The following AUTS2 variants were observed in gnomAD, a reference collection of about 807,000 sequenced individuals.
The protein encoded by AUTS2 is activator of transcription and developmental regulator AUTS2.
A neutral mutation model predicts 112.4 loss-of-function variants in AUTS2; 17 were observed. That is an observed-to-expected ratio of 0.15 (90% CI 0.10 to 0.23). The LOEUF (loss-of-function observed/expected upper bound fraction) is 0.23. AUTS2 is among the 10% of genes least tolerant of loss of function. AUTS2 has a pLI of 1.00. For synonymous variants in AUTS2, 751 were observed against 702.7 expected, an observed-to-expected ratio of 1.07 and a Z score of -1.09; for missense variants, 1,510 against 1,701.6, an observed-to-expected ratio of 0.89 and a Z score of 1.98.
chr7:70,206,336 A>C (rs1020266281), intron 4 of AUTS2, among the ~76,000 whole-genome samples: 2 of 152,134 alleles, frequency 1.3e-5, no homozygotes, highest in Non-Finnish European at 2.9e-5. Context: ...AGATACGTGG[A>C]GACATGGAGA....
At chr7:69,875,258 A>T (rs1440293656) in intron 1 of AUTS2, among the ~76,000 whole-genome samples, 1 of 152,198 alleles carries the variant, frequency 6.6e-6, no homozygotes, top group African/African-American at 2.4e-5. Context: ...GCTCAGTCTA[A>T]GGTATCCATT....
chr7:70,177,928 T>C (rs1809080330), intron 4 of AUTS2, among the ~76,000 whole-genome samples: 1 of 151,640 alleles, frequency 6.6e-6, no homozygotes, highest in Non-Finnish European at 1.5e-5. Flanking sequence ...GTTTTTTTTT[T>C]TTTTTTGAGG....
chr7:70,248,897 A>G (rs1813068261), intron 4 of AUTS2, among the ~76,000 whole-genome samples: 1 of 152,232 alleles, frequency 6.6e-6, no homozygotes, highest in Non-Finnish European at 1.5e-5. Flanking sequence ...GATATTGTTC[A>G]GAATTAACCA....
chr7:70,416,821 C>T (rs1795005791), intron 4 of AUTS2, among the ~76,000 whole-genome samples: 1 of 152,282 alleles, frequency 6.6e-6, no homozygotes, highest in Non-Finnish European at 1.5e-5. Flanking sequence ...TTGCAGCCTC[C>T]TGCACCCCTG....
At chr7:70,306,682 A>G (rs1233187879) in intron 4 of AUTS2, among the ~76,000 whole-genome samples, 1 of 152,242 alleles carries the variant, frequency 6.6e-6, no homozygotes, top group East Asian at 1.9e-4. Flanking sequence ...AGTTTTTACA[A>G]GAAAAAGAAA....
intron 5 of AUTS2, among the ~76,000 whole-genome samples, chr7:70,542,508 C>T (rs954515843): frequency 1.1e-4 from 17 of 152,222 alleles, no homozygotes; most frequent in African/African-American, 3.9e-4. Flanking sequence ...CTAGCAGTTA[C>T]GCCAGGGAGA....
chr7:70,290,781 A>G, intron 4 of AUTS2: 5 of 576,870 alleles, frequency 8.7e-6, no homozygotes, highest in South Asian at 4.2e-5. Context: ...TAGATTTTTT[A>G]AAAGAGTGCT....
chr7:69,630,404 G>A (rs892576748), intron 1 of AUTS2, among the ~76,000 whole-genome samples: 1 of 152,222 alleles, frequency 6.6e-6, no homozygotes, highest in Non-Finnish European at 1.5e-5. Flanking sequence ...GTGTAGCTGT[G>A]CTTCTAAGGA....
chr7:70,684,862 A>T (rs1369029210), intron 5 of AUTS2, among the ~76,000 whole-genome samples: 1 of 152,182 alleles, frequency 6.6e-6, no homozygotes, highest in Admixed American at 6.5e-5. Flanking sequence ...CACAAGATTG[A>T]TGTAAGAGCA....
intron 4 of AUTS2, among the ~76,000 whole-genome samples, chr7:70,305,452 G>A (rs1789451391): frequency 6.6e-6 from 1 of 152,068 alleles, no homozygotes; most frequent in Non-Finnish European, 1.5e-5. Flanking sequence ...ACATCTTTGA[G>A]TTCATAAAAA....
chr7:70,541,548 G>T (rs1336900193), intron 5 of AUTS2, among the ~76,000 whole-genome samples: 1 of 152,176 alleles, frequency 6.6e-6, no homozygotes, highest in African/African-American at 2.4e-5. Flanking sequence ...AGATATGTTG[G>T]ATCTGTGTTT....
intron 4 of AUTS2, among the ~76,000 whole-genome samples, chr7:70,254,462 C>T (rs1312540419): frequency 2.0e-5 from 3 of 151,650 alleles, no homozygotes; most frequent in Non-Finnish European, 4.4e-5. Context: ...GTAACCTGAT[C>T]AGGTTGGAGA....
At chr7:70,718,845 A>G (rs1810516926) in intron 6 of AUTS2, among the ~76,000 whole-genome samples, 3 of 152,094 alleles carry the variant, frequency 2.0e-5, no homozygotes, top group African/African-American at 7.2e-5. Flanking sequence ...TAAGGTGACT[A>G]TATAACTTAC....
intron 5 of AUTS2, among the ~76,000 whole-genome samples, chr7:70,444,749 T>C (rs961993785): frequency 6.6e-6 from 1 of 152,050 alleles, no homozygotes; most frequent in African/African-American, 2.4e-5. Flanking sequence ...AGCAGCTTTC[T>C]CCCTTGTTGT....
chr7:70,642,429 T>G (rs940421846), intron 5 of AUTS2, among the ~76,000 whole-genome samples: 1 of 152,238 alleles, frequency 6.6e-6, no homozygotes, highest in Non-Finnish European at 1.5e-5. Flanking sequence ...TGTTCTTTTA[T>G]TAGCTTCATA....
chr7:70,756,608 G>A (rs61424456), intron 6 of AUTS2, among the ~76,000 whole-genome samples: 3,093 of 152,216 alleles, frequency 0.02, 114 homozygotes, highest in African/African-American at 0.07. Flanking sequence ...AAGTATGTAA[G>A]TGCTTGTTTA....
In AUTS2 at chr7:69,863,866, G is replaced by A. The variant is rs77606301; in HGVS notation, c.310-35420G>A. The stretch of plus-strand genomic sequence containing the variant: ...CATAATGCCATTAAGGCCAGCACCC[G>A]TTGGGTAGGGGAGAGGCTGACCATA... On this transcript the variant is annotated intron_variant, in intron 1 of 18. Coordinates refer to ENST00000342771, the MANE Select transcript of AUTS2 (RefSeq NM_015570.4). 3.1e-3 allele frequency among the ~76,000 whole-genome samples: 470 copies of A among 152,282 alleles called. 5 individuals carry two copies. Among genetic ancestry groups the A allele is most frequent in the African/African-American group, 0.01 (430 of 41,564 alleles).
intron 1 of AUTS2, among the ~76,000 whole-genome samples, chr7:69,839,615 C>A (rs1314970786): frequency 6.6e-6 from 1 of 152,036 alleles, no homozygotes; most frequent in Non-Finnish European, 1.5e-5. Context: ...TAGAGAGTTA[C>A]AAGAAAACCC....
At chr7:70,577,755 T>C (rs948715960) in intron 5 of AUTS2, among the ~76,000 whole-genome samples, 2 of 152,204 alleles carry the variant, frequency 1.3e-5, no homozygotes, top group African/African-American at 2.4e-5. Context: ...TATGTTTTTT[T>C]CCCCAACTGT....
Sources: gnomAD v4.1 joint callset for allele counts (sites outside exome capture counted in the v4.1 genomes callset) on GRCh38, gnomAD v4.1.1 for gene constraint, MANE v1.5 for transcripts, NCBI Gene and HGNC (gene_info 2026-07-23, HGNC 2026-07-21) for gene names.